The following TPD52L2 variants were observed in gnomAD, a reference collection of about 807,000 sequenced individuals.
TPD52L2 encodes TPD52 like 2.
Under a neutral mutation model 24.7 loss-of-function variants are expected in TPD52L2, and 19 were observed. The ratio of observed to expected loss-of-function variants is 0.77; its 90% CI spans 0.54 to 1.13. TPD52L2 has a LOEUF of 1.13. Among genes scored for constraint, TPD52L2 ranks in the 50% most tolerant of loss-of-function variants. The probability of loss-of-function intolerance (pLI) is 0.00; values close to 1 mark genes in which losing one functional copy is unlikely to be tolerated. For synonymous variants in TPD52L2, 104 were observed against 100.2 expected, an observed-to-expected ratio of 1.04 and a Z score of -0.23; for missense variants, 236 against 250.4, an observed-to-expected ratio of 0.94 and a Z score of 0.39.
At position 63,865,302 on chromosome 20, in the gene TPD52L2, T is replaced by C. The variant is rs927683459; in HGVS notation, c.-64T>C. 6 of 1,489,004 alleles carry C rather than the reference T, an allele frequency of 4.0e-6. No individual in the cohort carries two copies. In the African/African-American group the frequency reaches 8.6e-5, roughly 21 times the overall value. 92.2% of individuals were successfully genotyped at this position (1,489,004 alleles called of 1,614,324 possible). ...CTGGCTAGTGTGTACGCGGCGAGCT[T>C]CTCCCGGCGCCGCCCGCTCGGCTCC... On this transcript the variant is annotated 5_prime_UTR_variant, in exon 1 of 7. Transcript: ENST00000346249.
At chr20:63,886,858 T>TG (rs2053144642) in intron 5 of TPD52L2, 1 of 153,252 alleles carries the variant, frequency 6.5e-6, no homozygotes, top group African/African-American at 2.4e-5. Context: ...TTGGCCAGCA[T>TG]GGTCTCGATC....
chr20:63,869,037 C>T (rs1203897840), intron 1 of TPD52L2, among the ~76,000 whole-genome samples: 5 of 152,226 alleles, frequency 3.3e-5, no homozygotes, highest in Non-Finnish European at 5.9e-5. Flanking sequence ...AGCCAGAATT[C>T]GGGTTTGCCT....
chr20:63,865,517 C>T, intron 1 of TPD52L2, 133 bp downstream of exon 1: 1 of 1,195,212 alleles, frequency 8.4e-7, no homozygotes, highest in South Asian at 1.5e-5. Flanking sequence ...CTCTTCAGCT[C>T]CCGGGGCCAC....
At position 63,868,485 on chromosome 20, in the gene TPD52L2, C is replaced by T. The variant is rs142298912; in HGVS notation, c.20-811C>T. On this transcript the variant is annotated intron_variant, in intron 1 of 6. Transcript: ENST00000346249. Reference sequence around the variant, plus strand: ...GGCCTTCTGGCAGTGGGATGAGAATCGGGAGGTAAGTAAAGGGAATTTTGT... The same window carrying T: ...GGCCTTCTGGCAGTGGGATGAGAATTGGGAGGTAAGTAAAGGGAATTTTGT... Among the ~76,000 whole-genome samples, 1,443 of 152,268 alleles carry T rather than the reference C, an allele frequency of 9.5e-3. 9 individuals carry two copies. The highest frequency in any genetic ancestry group is 0.016 in the Non-Finnish European group (1,097 of 68,024).
At chr20:63,871,997 T>C (rs1004829137) in intron 2 of TPD52L2, among the ~76,000 whole-genome samples, 1 of 151,944 alleles carries the variant, frequency 6.6e-6, no homozygotes, top group African/African-American at 2.4e-5. Context: ...GAACTCATTC[T>C]AAAGTGGTAA....
At chr20:63,875,448 A>G (rs1161329607) in intron 3 of TPD52L2, among the ~76,000 whole-genome samples, 2 of 152,214 alleles carry the variant, frequency 1.3e-5, no homozygotes, top group Non-Finnish European at 2.9e-5. Context: ...CTCACATATG[A>G]GAGGCCCATG....
intron 2 of TPD52L2, 84 bp downstream of exon 2, chr20:63,869,525 C>G: frequency 6.4e-7 from 1 of 1,565,138 alleles, no homozygotes; most frequent in Non-Finnish European, 8.7e-7. Flanking sequence ...ACTGGCCACG[C>G]TCGGGAGGAA....
In TPD52L2 at chr20:63,884,473, G is replaced by A. The variant is rs191740116; in HGVS notation, c.476+1653G>A. Among the ~76,000 whole-genome samples, 13 of 152,320 alleles carry A rather than the reference G, an allele frequency of 8.5e-5. No individual in the cohort carries two copies. The East Asian group carries it at 1.9e-3, about 23-fold the overall frequency. On this transcript the variant is annotated intron_variant, in intron 5 of 6. Transcript: ENST00000346249. ...ATTGTGGTGGAAATCCAAGGGGCAC[G>A]TGGAGCCCTTGGCACTGATTGGAAT... is the stretch of plus-strand genomic sequence containing the variant.
chr20:63,886,452 C>T (rs1307302909), intron 5 of TPD52L2, among the ~76,000 whole-genome samples: 2 of 151,424 alleles, frequency 1.3e-5, no homozygotes, highest in Admixed American at 1.3e-4. Flanking sequence ...GCTCCGCCTC[C>T]CGGGTTCACG....
chr20:63,887,461 T>TG, intron 5 of TPD52L2: 1 of 1,254,700 alleles, frequency 8.0e-7, no homozygotes, highest in Non-Finnish European at 1.2e-6. Flanking sequence ...CTGCTGGGAG[T>TG]GGGGGAATCC....
intron 3 of TPD52L2, among the ~76,000 whole-genome samples, chr20:63,874,480 C>A (rs1268658118): frequency 2.0e-5 from 3 of 151,640 alleles, no homozygotes; most frequent in Non-Finnish European, 4.4e-5. Flanking sequence ...TTCAAGCAAT[C>A]CTCCCAACTC....
chr20:63,875,155 A>G (rs1317107135), intron 3 of TPD52L2, among the ~76,000 whole-genome samples: 1 of 142,792 alleles, frequency 7.0e-6, no homozygotes, highest in Non-Finnish European at 1.5e-5. Context: ...AAAAAAAAAT[A>G]TATATATATA....
In TPD52L2 at chr20:63,889,202, C is replaced by G; in HGVS notation, c.489C>G (p.Thr163=). ...RKLGDMRNSA[T]FKSFEDRVGT... ...TCTCTCTTTAAAGGAACTCTGCGAC[C>G]TTCAAGTCGTTTGAGGACCGAGTTG... is the stretch of plus-strand genomic sequence containing the variant. The change falls in exon 6 of 7, where the codon ACC becomes ACG. Residue 163 remains threonine (T), a synonymous_variant. Transcript: ENST00000346249. 6.2e-7 allele frequency: 1 copy of G among 1,613,540 alleles called. No individual in the cohort carries two copies. The highest frequency in any genetic ancestry group is 1.7e-5 in the Admixed American group (1 of 59,994).
intron 3 of TPD52L2, among the ~76,000 whole-genome samples, chr20:63,875,185 A>G (rs1174146232): frequency 6.6e-6 from 1 of 150,434 alleles, no homozygotes; most frequent in African/African-American, 2.4e-5. Flanking sequence ...ATATAGGACC[A>G]TATGGTCCCA....
chr20:63,887,479 G>A (rs1472426546), intron 5 of TPD52L2: 1 of 1,441,938 alleles, frequency 6.9e-7, no homozygotes, highest in Non-Finnish European at 9.7e-7. Context: ...TCCCAGCTCT[G>A]CCCATCCCTG....
At position 63,887,767 on chromosome 20, in the gene TPD52L2, C is replaced by T. The variant is rs1378640437; in HGVS notation, c.477-1423C>T. On this transcript the variant is annotated intron_variant, in intron 5 of 6. Transcript: ENST00000346249. ...GACTAAGGGCCGGTAAAAACCCCCT[C>T]TAGGCTGACGAGGAAGAGCTGGTAG... is the stretch of plus-strand genomic sequence containing the variant. 5.7e-6 allele frequency: 4 copies of T among 706,300 alleles called. No individual in the cohort carries two copies. The Admixed American group carries it at 7.2e-5, about 13-fold the overall frequency. The allele number at this position is 706,300 out of a possible 1,614,324, so 43.8% of individuals were successfully genotyped here.
At chr20:63,886,136 AG>A in intron 5 of TPD52L2, 1 of 1,291,844 alleles carries the variant, frequency 7.7e-7, no homozygotes, top group Non-Finnish European at 1.1e-6. Context: ...GTGCTAGTAG[AG>A]GGCAGTGAAA....
chr20:63,870,740 C>CA (rs1361273148), intron 2 of TPD52L2, among the ~76,000 whole-genome samples: 145 of 142,874 alleles, frequency 1.0e-3, no homozygotes, highest in Non-Finnish European at 1.9e-3. Context: ...TTTTTGGAGA[C>CA]AGAGTCTCGC....
chr20:63,869,370 G>T lies in TPD52L2; in HGVS notation c.94G>T (p.Ala32Ser). ...GGATGTTCCTGTCGACACAGGTGTGGCTGCCCGGACTCCTGCTGTTGAGGG... is the reference window on the plus strand; with the variant it reads ...GGATGTTCCTGTCGACACAGGTGTGTCTGCCCGGACTCCTGCTGTTGAGGG... ...MTDVPVDTGVAARTPAVEGLT... is the reference protein window; with the variant it reads ...MTDVPVDTGVSARTPAVEGLT... The change falls in exon 2 of 7, where the codon GCT becomes TCT. Residue 32 changes from alanine to serine, a missense_variant. Physicochemically the swap from Ala to Ser is moderately conservative, Grantham distance 99 (BLOSUM62 1). Transcript: ENST00000346249. The T allele has an allele frequency of 6.2e-7, 1 of 1,614,252 alleles. No homozygotes were observed. Among genetic ancestry groups the T allele is most frequent in the Non-Finnish European group, 8.5e-7 (1 of 1,180,054 alleles).
Sources: allele counts gnomAD v4.1 joint callset (sites outside exome capture counted in the v4.1 genomes callset), GRCh38; gene constraint gnomAD v4.1.1; transcripts MANE v1.5; gene names NCBI Gene and HGNC (gene_info 2026-07-23, HGNC 2026-07-21).